The following RHOA variants were observed in gnomAD, a reference collection of about 807,000 sequenced individuals.
RHOA encodes transforming protein RhoA.
RHOA carries 3 observed loss-of-function variants against 17.5 expected under a neutral mutation model. The ratio of observed to expected loss-of-function variants is 0.17; its 90% CI spans 0.08 to 0.44. RHOA has a LOEUF of 0.44. Among genes scored for constraint, RHOA ranks in the 20% least tolerant of loss-of-function variants. The pLI, the probability that RHOA is intolerant of heterozygous loss-of-function variation, is 0.99. For synonymous variants in RHOA, 98 were observed against 88.4 expected (o/e 1.11, Z -0.61); for missense variants, 56 against 242.3 (o/e 0.23, Z 5.10).
At position 49,406,062 on chromosome 3, in the gene RHOA, A is replaced by G. The variant is rs556707158; in HGVS notation, c.-3+5758T>C. Among the ~76,000 whole-genome samples, 41 of 152,358 alleles carry G rather than the reference A, an allele frequency of 2.7e-4. 1 individual carries two copies. The South Asian group carries it at 7.2e-3, about 27-fold the overall frequency. On this transcript the variant is annotated intron_variant, in intron 1 of 4. Transcript: ENST00000418115. ...TGAATAACTGGAAAAGTTAAACAAG[A>G]GATTTCATCCAGAAAAGAAATTTTC... is the stretch of plus-strand genomic sequence containing the variant.
chr3:49,389,091 C>A (rs779315562), intron 1 of RHOA, among the ~76,000 whole-genome samples: 1 of 152,124 alleles, frequency 6.6e-6, no homozygotes, highest in Admixed American at 6.6e-5. Flanking sequence ...CCTGTAATCC[C>A]AGCACTTTGG....
rs186554615 is a variant in RHOA, at chr3:49,364,192, A to G, written c.278-1566T>C. On this transcript the variant is annotated intron_variant, in intron 3 of 4. Transcript: ENST00000418115. ...TGGTGAAACCCCATCTCTATTAAAA[A>G]TACAAAAAGATTGCCAGGCGCAGTG... is the stretch of plus-strand genomic sequence containing the variant. Among the ~76,000 whole-genome samples the G allele has an allele frequency of 5.1e-3, 770 of 152,224 alleles. 3 individuals carry two copies. The highest frequency in any genetic ancestry group is 0.024 in the Middle Eastern group (7 of 294).
chr3:49,400,011 G>C (rs1350173498), intron 1 of RHOA, among the ~76,000 whole-genome samples: 2 of 151,806 alleles, frequency 1.3e-5, no homozygotes, highest in Non-Finnish European at 2.9e-5. Flanking sequence ...AGGAGTTCGA[G>C]ACCAGCCTGA....
At chr3:49,410,620 A>G (rs1396071231) in intron 1 of RHOA, among the ~76,000 whole-genome samples, 3 of 152,256 alleles carry the variant, frequency 2.0e-5, no homozygotes, top group Admixed American at 6.5e-5. Context: ...CAAATGCTCA[A>G]AACAGTATCT....
At chr3:49,405,679 CT>C (rs1157737222) in intron 1 of RHOA, among the ~76,000 whole-genome samples, 1 of 152,096 alleles carries the variant, frequency 6.6e-6, no homozygotes, top group Non-Finnish European at 1.5e-5. Context: ...ACTGCCTTTT[CT>C]TTCCTTCTTT....
At chr3:49,384,169 T>G (rs994402241) in intron 1 of RHOA, among the ~76,000 whole-genome samples, 3 of 152,196 alleles carry the variant, frequency 2.0e-5, no homozygotes, top group African/African-American at 7.2e-5. Context: ...GCCTAAGTGA[T>G]TTCTGGGATA....
chr3:49,361,140 G>A (rs2047964974), intron 4 of RHOA: 1 of 167,450 alleles, frequency 6.0e-6, no homozygotes, highest in African/African-American at 2.4e-5. Flanking sequence ...ACTGACATAT[G>A]GTAACTACCC....
At chr3:49,407,823 G>A (rs561955849) in intron 1 of RHOA, among the ~76,000 whole-genome samples, 11 of 151,732 alleles carry the variant, frequency 7.2e-5, no homozygotes, top group African/African-American at 2.7e-4. Flanking sequence ...GGCTGTGTAT[G>A]TTTTCCTCTT....
At position 49,408,878 on chromosome 3, in the gene RHOA, C is replaced by T. The variant is rs1284254861; in HGVS notation, c.-3+2942G>A. On this transcript the variant is annotated intron_variant, in intron 1 of 4. Transcript: ENST00000418115. Reference sequence around the variant, plus strand: ...CGCGATCTCAGCTCACGGCAAGCTCCGCCTCTCGGGTTCACGCCATTCCCC... The same window carrying T: ...CGCGATCTCAGCTCACGGCAAGCTCTGCCTCTCGGGTTCACGCCATTCCCC... Among the ~76,000 whole-genome samples the T allele has an allele frequency of 2.4e-4, 37 of 151,878 alleles. 1 individual carries two copies. The highest frequency in any genetic ancestry group is 1.3e-3 in the South Asian group (6 of 4,796).
intron 1 of RHOA, among the ~76,000 whole-genome samples, chr3:49,394,439 C>T (rs1310078016): frequency 1.3e-5 from 2 of 152,190 alleles, no homozygotes; most frequent in Non-Finnish European, 2.9e-5. Flanking sequence ...CAACCTCCAC[C>T]TCCCGGGTTC....
intron 4 of RHOA, chr3:49,361,077 A>AC (rs1281381751): frequency 2.2e-4 from 37 of 169,456 alleles, no homozygotes; most frequent in African/African-American, 6.3e-4. Context: ...CTTCTCAAAA[A>AC]AAACAAAACA....
chr3:49,377,610 A>AT (rs2048250543), intron 1 of RHOA, among the ~76,000 whole-genome samples: 1 of 62,602 alleles, frequency 1.6e-5, no homozygotes, highest in Non-Finnish European at 3.2e-5. Context: ...AAGAAGGAAA[A>AT]GAAAAAAAAA....
chr3:49,410,065 G>C (rs765737640), intron 1 of RHOA, among the ~76,000 whole-genome samples: 6 of 152,180 alleles, frequency 3.9e-5, no homozygotes, highest in Non-Finnish European at 7.3e-5. Flanking sequence ...AGAGTGCTGT[G>C]TAAGCTAATG....
At chr3:49,392,362 C>T (rs2048525843) in intron 1 of RHOA, among the ~76,000 whole-genome samples, 1 of 152,076 alleles carries the variant, frequency 6.6e-6, no homozygotes, top group African/African-American at 2.4e-5. Context: ...AGGACAGCTT[C>T]AGCCAGTAGG....
In RHOA at chr3:49,403,463, C is replaced by T. The variant is rs2048760853; in HGVS notation, c.-3+8357G>A. On this transcript the variant is annotated intron_variant, in intron 1 of 4. Transcript: ENST00000418115. The stretch of plus-strand genomic sequence containing the variant: ...TTTGTGGTGGCTCATGCCTATAATC[C>T]CAGGGCTTTGTGAGGTTGAGACGAG... Among the ~76,000 whole-genome samples the T allele has an allele frequency of 2.0e-5, 3 of 152,044 alleles. No homozygotes were observed. In the South Asian group the frequency reaches 6.2e-4, roughly 32 times the overall value.
chr3:49,361,603 G>A (rs556131129), intron 4 of RHOA, among the ~76,000 whole-genome samples: 6 of 152,248 alleles, frequency 3.9e-5, no homozygotes, highest in South Asian at 2.1e-4. Context: ...TAACAGGCCC[G>A]GGCGTGGTGG....
chr3:49,399,808 G>A (rs552848429), intron 1 of RHOA, among the ~76,000 whole-genome samples: 13 of 152,098 alleles, frequency 8.5e-5, no homozygotes, highest in South Asian at 6.2e-4. Context: ...TTATGTTTTC[G>A]AACAAGATAA....
intron 1 of RHOA, among the ~76,000 whole-genome samples, chr3:49,385,365 G>A (rs2048380201): frequency 6.6e-6 from 1 of 151,534 alleles, no homozygotes; most frequent in African/African-American, 2.4e-5. Context: ...GGAGGCGTCT[G>A]CCACCACGCC....
At chr3:49,404,987 C>G (rs1232273125) in intron 1 of RHOA, among the ~76,000 whole-genome samples, 4 of 149,030 alleles carry the variant, frequency 2.7e-5, no homozygotes, top group African/African-American at 9.9e-5. Context: ...GTGGCTCACA[C>G]CTATAATCCC....
Sources: gnomAD v4.1 joint callset for allele counts (sites outside exome capture counted in the v4.1 genomes callset) on GRCh38, gnomAD v4.1.1 for gene constraint, MANE v1.5 for transcripts, NCBI Gene and HGNC (gene_info 2026-07-23, HGNC 2026-07-21) for gene names.